KSR2: variants seen among roughly 807,000 people sequenced by gnomAD.
The protein encoded by KSR2 is kinase suppressor of ras 2.
A neutral mutation model predicts 107.8 loss-of-function variants in KSR2; 25 were observed. The ratio of observed to expected loss-of-function variants is 0.23; its 90% CI spans 0.17 to 0.32. The LOEUF (loss-of-function observed/expected upper bound fraction) is 0.32, where lower values mean the gene tolerates loss of function less well. KSR2 is among the 10% of genes least tolerant of loss of function. KSR2 has a pLI of 1.00. For synonymous variants in KSR2, 480 were observed against 507.0 expected (o/e 0.95, Z 0.71); for missense variants, 887 against 1,268.9 (o/e 0.70, Z 4.57).
chr12:117,708,868 G>A (rs367695574), intron 4 of KSR2, among the ~76,000 whole-genome samples: 2 of 152,072 alleles, frequency 1.3e-5, no homozygotes, highest in Admixed American at 6.5e-5. Flanking sequence ...AACAGTAAAC[G>A]GCTTAAAACC....
chr12:117,777,175 C>CTATATATATATATATATATATATATATA (rs56862811), intron 3 of KSR2, among the ~76,000 whole-genome samples: 1 of 136,812 alleles, frequency 7.3e-6, no homozygotes, highest in African/African-American at 2.8e-5. Flanking sequence ...CATATATACA[C>CTATATATATATATATATATATATATATA]TATATATATA....
Position 117,574,570 on chromosome 12 carries a change from C to T in KSR2, c.1325+4549G>A, listed in dbSNP as rs147925497. On this transcript the variant is annotated intron_variant, in intron 7 of 19. Coordinates refer to ENST00000339824, the MANE Select transcript of KSR2 (RefSeq NM_173598.6). ...AGATCTCTTGAGACTTATTCACTACCACAAGGACAGCATGCAGGAAATGGC... is the reference window on the plus strand; with the variant it reads ...AGATCTCTTGAGACTTATTCACTACTACAAGGACAGCATGCAGGAAATGGC... 7.0e-3 allele frequency among the ~76,000 whole-genome samples: 1,066 copies of T among 152,238 alleles called. 13 individuals carry two copies. Among genetic ancestry groups the T allele is most frequent in the African/African-American group, 0.024 (995 of 41,528 alleles).
In KSR2 at chr12:117,461,501, C is replaced by A. The variant is rs1448874440; in HGVS notation, c.*5698G>T. On this transcript the variant is annotated 3_prime_UTR_variant, in exon 20 of 20. Transcript: ENST00000339824. ...CACTACTAAGACAAGTCCAGGAGGT[C>A]ACTGGGACCGCAGATTTTCCATCAA... is the stretch of plus-strand genomic sequence containing the variant. 1 of 152,300 alleles carries A rather than the reference C, an allele frequency of 6.6e-6. No homozygotes were observed. Among genetic ancestry groups the A allele is most frequent in the Admixed American group, 6.5e-5 (1 of 15,276 alleles). The allele number at this position is 152,300 out of a possible 1,614,324, so 9.4% of individuals were successfully genotyped here. A position where few individuals can be genotyped will look rare whatever the true frequency, so the allele number is the denominator to read the frequency against.
chr12:117,479,692 G>T (rs1202567193), intron 16 of KSR2, among the ~76,000 whole-genome samples: 1 of 152,186 alleles, frequency 6.6e-6, no homozygotes, highest in Non-Finnish European at 1.5e-5. Context: ...AGGATTAATA[G>T]CACATGACTT....
intron 1 of KSR2, among the ~76,000 whole-genome samples, chr12:117,917,095 C>T (rs1895200626): frequency 6.6e-6 from 1 of 152,216 alleles, no homozygotes; most frequent in Non-Finnish European, 1.5e-5. Context: ...AGCACACCAT[C>T]CTCCCCAAAG....
chr12:117,949,973 CT>C (rs55671719), intron 1 of KSR2, among the ~76,000 whole-genome samples: 18,811 of 146,182 alleles, frequency 0.13, 1,211 homozygotes, highest in Admixed American at 0.17. Context: ...CTGCAATTTA[CT>C]TTTTTTTTTT....
chr12:117,847,209 G>A (rs1002186182), intron 3 of KSR2, among the ~76,000 whole-genome samples: 3 of 152,206 alleles, frequency 2.0e-5, no homozygotes, highest in African/African-American at 7.2e-5. Flanking sequence ...TTAGAAGCAA[G>A]TAGAACAATA....
rs558640890 is a variant in KSR2, at chr12:117,956,228, C to T, written c.180+11848G>A. On this transcript the variant is annotated intron_variant, in intron 1 of 19. Transcript: ENST00000339824. ...TTGAGCCACTGCACTCCAGCCTGGG[C>T]GACAGAGCAAGACTCTGTCTCAAAA... Among the ~76,000 whole-genome samples, 336 of 115,650 alleles carry T rather than the reference C, an allele frequency of 2.9e-3. 1 individual carries two copies. The highest frequency in any genetic ancestry group is 4.2e-3 in the Non-Finnish European group (262 of 61,960). 75.9% of individuals were successfully genotyped at this position (115,650 alleles called of 152,430 possible). A position where few individuals can be genotyped will look rare whatever the true frequency, so the allele number is the denominator to read the frequency against.
At chr12:117,768,687 G>A (rs1889331333) in intron 3 of KSR2, among the ~76,000 whole-genome samples, 1 of 152,322 alleles carries the variant, frequency 6.6e-6, no homozygotes, top group Non-Finnish European at 1.5e-5. Context: ...TATGGCAGTG[G>A]AGATAGAGAG....
rs371091678 is a variant in KSR2 at position 117,728,580 on chromosome 12, A to G, written c.986+32431T>C. ...GGAATAATCTTGAAAACCTAAATGG[A>G]CAACTGAGAAAAACTCAGAACTCTG... On this transcript the variant is annotated intron_variant, in intron 4 of 19. Transcript: ENST00000339824. Among the ~76,000 whole-genome samples the G allele has an allele frequency of 8.5e-5, 13 of 152,300 alleles. No homozygotes were observed. The South Asian group carries it at 1.7e-3, about 19-fold the overall frequency.
intron 5 of KSR2, among the ~76,000 whole-genome samples, chr12:117,644,929 G>A (rs1883547709): frequency 6.6e-6 from 1 of 152,122 alleles, no homozygotes; most frequent in African/African-American, 2.4e-5. Context: ...ACGTCACCCT[G>A]GTCTTTGGAA....
At chr12:117,639,253 AT>A (rs1883246267) in intron 5 of KSR2, among the ~76,000 whole-genome samples, 2 of 152,024 alleles carry the variant, frequency 1.3e-5, no homozygotes, top group Non-Finnish European at 2.9e-5. Flanking sequence ...TTAATAGATT[AT>A]AAACATATAC....
At chr12:117,682,722 C>G (rs1885420180) in intron 4 of KSR2, among the ~76,000 whole-genome samples, 1 of 152,094 alleles carries the variant, frequency 6.6e-6, no homozygotes, top group Non-Finnish European at 1.5e-5. Flanking sequence ...CTGGCTGTAT[C>G]TCAGAACTTA....
chr12:117,669,883 GATA>G (rs1003516565), intron 4 of KSR2, among the ~76,000 whole-genome samples: 168 of 151,790 alleles, frequency 1.1e-3, no homozygotes, highest in African/African-American at 3.4e-3. Context: ...TAATAATAAT[GATA>G]ATAATAAAAT....
Position 117,694,845 on chromosome 12 carries a change from C to CTTTTTTTTT in KSR2, c.987-27196_987-27188dup, listed in dbSNP as rs34228762. Among the ~76,000 whole-genome samples the CTTTTTTTTT allele has an allele frequency of 8.1e-5, 8 of 99,102 alleles. 2 individuals are homozygous for CTTTTTTTTT. Among genetic ancestry groups the CTTTTTTTTT allele is most frequent in the Non-Finnish European group, 1.2e-4 (6 of 51,710 alleles). The allele number at this position is 99,102 out of a possible 152,430, so 65.0% of individuals were successfully genotyped here. A position where few individuals can be genotyped will look rare whatever the true frequency, so the allele number is the denominator to read the frequency against. On this transcript the variant is annotated intron_variant, in intron 4 of 19. Coordinates refer to ENST00000339824, the MANE Select transcript of KSR2 (RefSeq NM_173598.6). The stretch of plus-strand genomic sequence containing the variant: ...ACAAAAGGACAAATGTTGTATGATT[C>CTTTTTTTTT]TTTTTTTTTTTTTTTTTTTTTTGAG...
intron 4 of KSR2, among the ~76,000 whole-genome samples, chr12:117,694,311 G>T (rs1885959253): frequency 6.6e-6 from 1 of 152,164 alleles, no homozygotes; most frequent in African/African-American, 2.4e-5. Flanking sequence ...TAGTGAATAA[G>T]TCTCATGAGA....
intron 4 of KSR2, among the ~76,000 whole-genome samples, chr12:117,682,125 G>A (rs1235355619): frequency 6.6e-6 from 1 of 152,156 alleles, no homozygotes; most frequent in Admixed American, 6.5e-5. Flanking sequence ...GCAGGGACAT[G>A]GACTGAGCTG....
intron 1 of KSR2, among the ~76,000 whole-genome samples, chr12:117,967,474 T>C (rs1162876545): frequency 1.3e-5 from 2 of 152,164 alleles, no homozygotes; most frequent in Non-Finnish European, 2.9e-5. Flanking sequence ...AAATGGGTAG[T>C]TCCATAGGAA....
chr12:117,508,580 T>C (rs986899511), intron 14 of KSR2, among the ~76,000 whole-genome samples: 4 of 151,682 alleles, frequency 2.6e-5, no homozygotes, highest in African/African-American at 9.7e-5. Flanking sequence ...GTTGAACAGA[T>C]AGATGGATGA....
Sources: allele counts gnomAD v4.1 joint callset (sites outside exome capture counted in the v4.1 genomes callset), GRCh38; gene constraint gnomAD v4.1.1; transcripts MANE v1.5; gene names NCBI Gene and HGNC (gene_info 2026-07-23, HGNC 2026-07-21).